The following LGR6 variants were observed in gnomAD, a reference collection of about 807,000 sequenced individuals.
LGR6 encodes the protein leucine rich repeat containing G protein-coupled receptor 6, also known as leucine-rich repeat-containing G protein-coupled receptor 6.
A neutral mutation model predicts 69.4 loss-of-function variants in LGR6; 45 were observed. The observed-to-expected ratio is 0.65, with a 90% CI of 0.51 to 0.83. The LOEUF is 0.83. Among genes scored for constraint, LGR6 ranks in the 40% least tolerant of loss-of-function variants. LGR6 has a pLI of 0.00. For missense variants in LGR6, 1,108 were observed against 1,246.7 expected (o/e 0.89, Z 1.68); for synonymous variants, 538 against 555.0 (o/e 0.97, Z 0.43).
intron 9 of LGR6, among the ~76,000 whole-genome samples, chr1:202,302,675 T>C (rs1252905308): frequency 1.3e-5 from 2 of 152,044 alleles, no homozygotes; most frequent in South Asian, 2.1e-4. Flanking sequence ...GCCTCCCGAG[T>C]AGCTGAGATT....
chr1:202,314,699 A>G (rs1486614168), intron 16 of LGR6, 103 bp from the exon 17 acceptor site: 6 of 806,360 alleles, frequency 7.4e-6, no homozygotes, highest in Non-Finnish European at 1.3e-5. Context: ...AGTGCTGAGC[A>G]GAGTTAGTAA....
chr1:202,196,055 C>T (rs1439077194), intron 1 of LGR6, among the ~76,000 whole-genome samples: 1 of 152,104 alleles, frequency 6.6e-6, no homozygotes, highest in Non-Finnish European at 1.5e-5. Flanking sequence ...GAGAAAGCCC[C>T]TCTCTCTCAA....
intron 6 of LGR6, 36 bp from the exon 7 acceptor site, chr1:202,297,472 C>A (rs758510320): frequency 5.7e-6 from 9 of 1,576,004 alleles, no homozygotes; most frequent in Non-Finnish European, 4.3e-6. Flanking sequence ...CCCCATTAAG[C>A]CTTTGCCCTA....
At chr1:202,304,379 T>A (rs868777850) in intron 10 of LGR6, among the ~76,000 whole-genome samples, 180 bp from the exon 11 acceptor site, 1 of 152,072 alleles carries the variant, frequency 6.6e-6, no homozygotes, top group Non-Finnish European at 1.5e-5. Context: ...GGTGCTCAGA[T>A]GCCAGTGTCT....
intron 14 of LGR6, among the ~76,000 whole-genome samples, chr1:202,308,061 C>G (rs886652959): frequency 1.3e-5 from 2 of 152,214 alleles, no homozygotes; most frequent in Non-Finnish European, 2.9e-5. Flanking sequence ...GGGCCCTTTT[C>G]TGGTTAACAC....
At chr1:202,205,475 C>A (rs1357592435) in intron 1 of LGR6, among the ~76,000 whole-genome samples, 40 of 80,408 alleles carry the variant, frequency 5.0e-4, no homozygotes, top group African/African-American at 1.4e-3. Context: ...CACACACACA[C>A]CTCCTTCAAA....
intron 4 of LGR6, among the ~76,000 whole-genome samples, chr1:202,259,512 A>G (rs1664048598): frequency 6.6e-6 from 1 of 152,174 alleles, no homozygotes; most frequent in African/African-American, 2.4e-5. Flanking sequence ...AAAACTATCC[A>G]TTTCATCAAA....
At chr1:202,270,459 C>T (rs982678338) in intron 4 of LGR6, among the ~76,000 whole-genome samples, 3 of 152,128 alleles carry the variant, frequency 2.0e-5, no homozygotes, top group African/African-American at 7.2e-5. Flanking sequence ...TCAGGATGGT[C>T]TTGAACTCCC....
At chr1:202,304,531 G>T (rs1488825019) in intron 10 of LGR6, 28 bp from the exon 11 acceptor site, 1 of 1,575,952 alleles carries the variant, frequency 6.3e-7, no homozygotes. Context: ...TGGGCCTGGT[G>T]CCAGCTCTGT....
At chr1:202,314,429 A>C (rs546514234) in intron 16 of LGR6, among the ~76,000 whole-genome samples, 5 of 152,352 alleles carry the variant, frequency 3.3e-5, no homozygotes, top group African/African-American at 1.2e-4. Context: ...ACAAAATTAC[A>C]GTGACAGCCC....
chr1:202,223,593 T>C (rs959226836), intron 1 of LGR6, among the ~76,000 whole-genome samples: 6 of 151,910 alleles, frequency 3.9e-5, no homozygotes, highest in African/African-American at 1.4e-4. Context: ...TGAGCCCACC[T>C]CTGTACCCCC....
chr1:202,209,540 C>T (rs1659382960), intron 1 of LGR6, among the ~76,000 whole-genome samples: 1 of 152,234 alleles, frequency 6.6e-6, no homozygotes, highest in South Asian at 2.1e-4. Flanking sequence ...CTCTGGTTGG[C>T]CCCTTGGCCA....
chr1:202,214,337 AC>A lies in LGR6; in HGVS notation c.213-11083del, dbSNP rs1394264886. 6 of 1,231,290 alleles carry A rather than the reference AC, an allele frequency of 4.9e-6. No individual in the cohort carries two copies. The Admixed American group carries it at 1.0e-4, about 21-fold the overall frequency. 76.3% of individuals were successfully genotyped at this position (1,231,290 alleles called of 1,614,324 possible). ...AAACCGACGCGACGGGTGGGGCGCT[AC>A]CCGGGCCGGCCCTAATCCCCTTCCA... On this transcript the variant is annotated intron_variant, in intron 1 of 17. Coordinates refer to ENST00000367278, the MANE Select transcript of LGR6 (RefSeq NM_001017403.2).
At chr1:202,242,534 A>G (rs761301739) in intron 4 of LGR6, among the ~76,000 whole-genome samples, 3 of 152,160 alleles carry the variant, frequency 2.0e-5, no homozygotes, top group Non-Finnish European at 2.9e-5. Context: ...GGAACTTCCT[A>G]ATGGGGTTAC....
At chr1:202,210,682 CCCTT>C (rs1659430769) in intron 1 of LGR6, 1 of 152,228 alleles carries the variant, frequency 6.6e-6, no homozygotes, top group African/African-American at 2.4e-5. Context: ...GTTCTATAAA[CCCTT>C]CCACTTAGAA....
At chr1:202,317,485 C>CTTGG in intron 17 of LGR6, among the ~76,000 whole-genome samples, 1 of 152,190 alleles carries the variant, frequency 6.6e-6, no homozygotes, top group Admixed American at 6.5e-5. Flanking sequence ...GTTGGGACTA[C>CTTGG]ATGTGCGTGC....
intron 11 of LGR6, among the ~76,000 whole-genome samples, chr1:202,305,353 A>G (rs1653074143): frequency 6.6e-6 from 1 of 152,180 alleles, no homozygotes; most frequent in African/African-American, 2.4e-5. Context: ...GGCATTGCTC[A>G]GTGAGGTCCA....
intron 3 of LGR6, among the ~76,000 whole-genome samples, chr1:202,228,284 C>T (rs114353813): frequency 1.1e-3 from 168 of 152,332 alleles, no homozygotes; most frequent in African/African-American, 3.9e-3. Flanking sequence ...TGACCATCGA[C>T]ATAGGTCTTT....
Position 202,318,458 on chromosome 1 carries a change from C to T in LGR6, c.2155C>T (p.Pro719Ser). The T allele has an allele frequency of 6.2e-7, 1 of 1,613,156 alleles. No individual in the cohort carries two copies. Among genetic ancestry groups the T allele is most frequent in the South Asian group, 1.1e-5 (1 of 91,042 alleles). ...ATACGGGGCCTCCCCACTCTGCCTG[C>T]CCTACGCGCCACCTGAGGGTCAGCC... ...GEYGASPLCL[P>S]YAPPEGQPAA... is the part of the protein sequence containing the mutation. The change falls in exon 18 of 18, where the codon CCC becomes TCC. Residue 719 changes from proline (P) to serine (S), a missense_variant. By Grantham distance (74) the Pro-to-Ser change is moderately conservative. Coordinates refer to ENST00000367278, the MANE Select transcript of LGR6 (RefSeq NM_001017403.2).
Sources: gnomAD v4.1 joint callset for allele counts (sites outside exome capture counted in the v4.1 genomes callset) on GRCh38, gnomAD v4.1.1 for gene constraint, MANE v1.5 for transcripts, NCBI Gene and HGNC (gene_info 2026-07-23, HGNC 2026-07-21) for gene names.